CACNA1D: variants seen among roughly 807,000 people sequenced by gnomAD.
The protein encoded by CACNA1D is calcium voltage-gated channel subunit alpha1 D.
CACNA1D carries 55 observed loss-of-function variants against 257.1 expected under a neutral mutation model. That is an observed-to-expected ratio of 0.21 (90% CI 0.17 to 0.27). The LOEUF (loss-of-function observed/expected upper bound fraction) is 0.27. CACNA1D is among the 10% of genes least tolerant of loss of function. The pLI, the probability that CACNA1D is intolerant of heterozygous loss-of-function variation, is 1.00. For synonymous variants in CACNA1D, 980 were observed against 1,014.9 expected (o/e 0.97, Z 0.65); for missense variants, 1,876 against 2,784.0 (o/e 0.67, Z 7.34).
At chr3:53,719,025 CG>C (rs1383905736) in intron 10 of CACNA1D, among the ~76,000 whole-genome samples, 1 of 118,136 alleles carries the variant, frequency 8.5e-6, no homozygotes, top group African/African-American at 3.7e-5. Context: ...TGGCAGCTGG[CG>C]GGGGGGCTGG....
At chr3:53,638,043 C>T (rs1454535222) in intron 3 of CACNA1D, among the ~76,000 whole-genome samples, 1 of 152,164 alleles carries the variant, frequency 6.6e-6, no homozygotes, top group Non-Finnish European at 1.5e-5. Context: ...TGTCGGCACA[C>T]TCAGTGGGAA....
intron 15 of CACNA1D, 114 bp from the exon 16 acceptor site, chr3:53,730,328 G>A (rs2094977546): frequency 4.0e-6 from 3 of 740,872 alleles, no homozygotes; most frequent in South Asian, 1.5e-5. Context: ...TATAACACTT[G>A]GGACGGTCAC....
At chr3:53,608,572 C>G (rs1475975131) in intron 3 of CACNA1D, among the ~76,000 whole-genome samples, 1 of 152,128 alleles carries the variant, frequency 6.6e-6, no homozygotes, top group Admixed American at 6.5e-5. Flanking sequence ...TAGGGGAAAG[C>G]ACTCATTTCT....
chr3:53,578,723 G>A (rs575605361), intron 3 of CACNA1D, among the ~76,000 whole-genome samples: 1 of 152,304 alleles, frequency 6.6e-6, no homozygotes, highest in South Asian at 2.1e-4. Flanking sequence ...TTCAGGGAAG[G>A]CCTCATGGGT....
At chr3:53,573,331 A>G (rs1030843775) in intron 3 of CACNA1D, among the ~76,000 whole-genome samples, 6 of 149,442 alleles carry the variant, frequency 4.0e-5, no homozygotes, top group Admixed American at 4.0e-4. Flanking sequence ...CCTTCCCCTC[A>G]CTCCTCCACA....
intron 45 of CACNA1D, among the ~76,000 whole-genome samples, chr3:53,805,545 A>G (rs543075121): frequency 6.6e-6 from 1 of 152,280 alleles, no homozygotes; most frequent in African/African-American, 2.4e-5. Context: ...TGAGCCCCCA[A>G]AGGGGAAGAG....
At chr3:53,717,210 T>C (rs1445315746) in intron 9 of CACNA1D, among the ~76,000 whole-genome samples, 3 of 152,184 alleles carry the variant, frequency 2.0e-5, no homozygotes, top group Non-Finnish European at 1.5e-5. Context: ...TTCCGTGACT[T>C]CCTCTTTTAC....
At chr3:53,660,806 G>A (rs2094196697) in intron 5 of CACNA1D, among the ~76,000 whole-genome samples, 1 of 151,578 alleles carries the variant, frequency 6.6e-6, no homozygotes, top group African/African-American at 2.4e-5. Context: ...TTCTTACCTG[G>A]TGACAGGGCA....
chr3:53,624,153 C>T (rs1025286237), intron 3 of CACNA1D, among the ~76,000 whole-genome samples: 2 of 152,094 alleles, frequency 1.3e-5, no homozygotes, highest in African/African-American at 2.4e-5. Flanking sequence ...CAATATCAGG[C>T]GAGCCTTTGA....
intron 8 of CACNA1D, among the ~76,000 whole-genome samples, chr3:53,694,588 T>C (rs1036687651): frequency 4.6e-5 from 7 of 152,316 alleles, no homozygotes; most frequent in African/African-American, 1.7e-4. Context: ...TGTTGGCCTT[T>C]GTGAAATGGA....
intron 8 of CACNA1D, among the ~76,000 whole-genome samples, chr3:53,701,472 GGTTGGGTTGGGTTGA>G (rs1323665049): frequency 1.3e-5 from 2 of 152,292 alleles, no homozygotes; most frequent in South Asian, 2.1e-4. Context: ...CCCATTCGTG[GGTTGGGTTGGGTTGA>G]GTTGGGTTGG....
Position 53,780,141 on chromosome 3 carries a change from T to C in CACNA1D, c.4690+13T>C. ...ATCAAGACCGAAGGTGAGCATTCCC[T>C]GCCAGCAAGACAAGATGGCAGGAAA... On this transcript the variant is annotated intron_variant, in intron 38 of 47. Transcript: ENST00000350061. 6.3e-7 allele frequency: 1 copy of C among 1,583,274 alleles called. No individual in the cohort carries two copies. Among genetic ancestry groups the C allele is most frequent in the Non-Finnish European group, 8.7e-7 (1 of 1,151,838 alleles).
chr3:53,771,023 T>C (rs1001682401), intron 32 of CACNA1D, among the ~76,000 whole-genome samples: 1 of 152,216 alleles, frequency 6.6e-6, no homozygotes, highest in Non-Finnish European at 1.5e-5. Context: ...ATCCTGCACC[T>C]GGAAGGGTCA....
chr3:53,616,009 C>A (rs1380553843), intron 3 of CACNA1D, among the ~76,000 whole-genome samples: 1 of 152,136 alleles, frequency 6.6e-6, no homozygotes, highest in African/African-American at 2.4e-5. Context: ...TAAATCCTTT[C>A]CTCTCTGTGG....
intron 3 of CACNA1D, among the ~76,000 whole-genome samples, chr3:53,538,172 G>C: frequency 1.0e-5 from 1 of 95,768 alleles, no homozygotes; most frequent in African/African-American, 6.3e-5. Context: ...TTTTTTGACA[G>C]AGTCTCGTTC....
At chr3:53,648,517 A>AGT (rs763695367) in intron 3 of CACNA1D, among the ~76,000 whole-genome samples, 6 of 151,998 alleles carry the variant, frequency 3.9e-5, no homozygotes, top group Non-Finnish European at 7.4e-5. Context: ...CAGTGGCCTG[A>AGT]GTGTGTGATC....
chr3:53,667,840 C>CGT (rs2094283659), intron 7 of CACNA1D, among the ~76,000 whole-genome samples: 2 of 137,010 alleles, frequency 1.5e-5, no homozygotes, highest in African/African-American at 5.6e-5. Context: ...TGTGTGTATG[C>CGT]ATGTGTGTGT....
intron 9 of CACNA1D, among the ~76,000 whole-genome samples, chr3:53,717,532 C>A (rs2094832527): frequency 6.6e-6 from 1 of 152,230 alleles, no homozygotes; most frequent in African/African-American, 2.4e-5. Flanking sequence ...ATTTCCTCTA[C>A]TTCCGCTCAG....
intron 8 of CACNA1D, among the ~76,000 whole-genome samples, chr3:53,693,239 C>G (rs912592613): frequency 6.6e-6 from 1 of 152,112 alleles, no homozygotes; most frequent in Non-Finnish European, 1.5e-5. Flanking sequence ...CAGACATTAC[C>G]TGCAAAGGAG....
Sources: gnomAD v4.1 joint callset for allele counts (sites outside exome capture counted in the v4.1 genomes callset) on GRCh38, gnomAD v4.1.1 for gene constraint, MANE v1.5 for transcripts, NCBI Gene and HGNC (gene_info 2026-07-23, HGNC 2026-07-21) for gene names.